VWA3B: variants seen among roughly 807,000 people sequenced by gnomAD.
VWA3B encodes the protein von Willebrand factor A domain containing 3B, also known as von Willebrand factor A domain-containing protein 3B.
In VWA3B, 138 loss-of-function variants were observed where a neutral mutation model predicts 158.3. The ratio of observed to expected loss-of-function variants is 0.87; its 90% CI spans 0.76 to 1.00. The LOEUF is 1.00. Among genes scored for constraint, VWA3B ranks in the 50% least tolerant of loss-of-function variants. The pLI is 0.00. For synonymous variants in VWA3B, 596 were observed against 587.3 expected (o/e 1.01, Z -0.21); for missense variants, 1,555 against 1,565.1 (o/e 0.99, Z 0.11).
rs148357776 is a variant in VWA3B, at chr2:98,237,498, G to A, written c.2673+768G>A. 8.0e-3 allele frequency among the ~76,000 whole-genome samples: 1,219 copies of A among 152,284 alleles called. 17 individuals carry two copies. The highest frequency in any genetic ancestry group is 0.028 in the African/African-American group (1,172 of 41,552). The stretch of plus-strand genomic sequence containing the variant: ...CACCAGATTGTCCTAGGCCGGTCCC[G>A]AGAGGAGAAAAACAGCTTCCAATGG... On this transcript the variant is annotated intron_variant, in intron 19 of 27. Transcript: ENST00000477737.
At chr2:98,140,787 T>A (rs1676721617) in intron 7 of VWA3B, among the ~76,000 whole-genome samples, 1 of 152,168 alleles carries the variant, frequency 6.6e-6, no homozygotes, top group Admixed American at 6.5e-5. Context: ...CATGAAATAT[T>A]AATATTCATC....
At chr2:98,221,345 C>CACGGAAGAGT (rs1199089611) in intron 14 of VWA3B, among the ~76,000 whole-genome samples, 1 of 152,160 alleles carries the variant, frequency 6.6e-6, no homozygotes, top group Non-Finnish European at 1.5e-5. Context: ...CTGGGAAGAG[C>CACGGAAGAGT]ACGGCTTAAT....
downstream of VWA3B, chr2:98,313,388 A>G (rs1691016794): frequency 6.6e-6 from 1 of 152,228 alleles, no homozygotes; most frequent in Non-Finnish European, 1.5e-5. Flanking sequence ...AAGGCAAGGA[A>G]CAGTGCTTGT....
At chr2:98,307,316 C>A (rs369443897) in intron 26 of VWA3B, among the ~76,000 whole-genome samples, 9 of 152,200 alleles carry the variant, frequency 5.9e-5, no homozygotes, top group African/African-American at 2.2e-4. Flanking sequence ...CTGCTATGCC[C>A]GGTTTCCATT....
intron 2 of VWA3B, among the ~76,000 whole-genome samples, chr2:98,101,952 T>C (rs1295771370): frequency 1.3e-5 from 2 of 152,084 alleles, no homozygotes; most frequent in African/African-American, 4.8e-5. Flanking sequence ...AGGATGATAG[T>C]GGAGAGAAGG....
chr2:98,308,121 AG>A (rs1409840683), intron 26 of VWA3B, among the ~76,000 whole-genome samples: 1 of 152,238 alleles, frequency 6.6e-6, no homozygotes, highest in Non-Finnish European at 1.5e-5. Flanking sequence ...TAAAAAAACA[AG>A]ATTGGCTTAT....
chr2:98,276,454 C>CA (rs1269889972), intron 22 of VWA3B, among the ~76,000 whole-genome samples: 1 of 152,164 alleles, frequency 6.6e-6, no homozygotes, highest in Non-Finnish European at 1.5e-5. Context: ...TAGCAAAGGC[C>CA]AAAGCTTTTG....
intron 7 of VWA3B, among the ~76,000 whole-genome samples, chr2:98,148,782 A>G (rs1259018108): frequency 6.6e-6 from 1 of 152,198 alleles, no homozygotes; most frequent in African/African-American, 2.4e-5. Context: ...ATATTCTTCT[A>G]TATGACACTT....
At position 98,298,019 on chromosome 2, in the gene VWA3B, C is replaced by G; in HGVS notation, c.3270C>G (p.Cys1090Trp). 1 of 1,563,208 alleles carries G rather than the reference C, an allele frequency of 6.4e-7. No individual in the cohort carries two copies. The highest frequency in any genetic ancestry group is 1.2e-5 in the South Asian group (1 of 83,446). ...CGCCTGTGGGGGGCGCCATGCCCTG[C>G]CCGCTGCTCCAGGTACCCAGTCCCT... Reference protein sequence around the residue: ...FITPVGGAMPCPLLQVGDYVF... With the variant: ...FITPVGGAMPWPLLQVGDYVF... Residue 1090 changes from cysteine to tryptophan, a missense_variant, in exon 24 of 28, where the codon TGC (cysteine) becomes TGG (tryptophan). Physicochemically the swap from Cys to Trp is radical, Grantham distance 215 (BLOSUM62 -2). Transcript: ENST00000477737.
chr2:98,235,223 TG>T (rs1685599878), intron 17 of VWA3B, among the ~76,000 whole-genome samples: 1 of 152,212 alleles, frequency 6.6e-6, no homozygotes, highest in Admixed American at 6.5e-5. Flanking sequence ...TAATAAGTTT[TG>T]AAACGTTTGA....
intron 6 of VWA3B, 50 bp from the exon 7 acceptor site, chr2:98,133,774 C>A: frequency 6.6e-7 from 1 of 1,520,246 alleles, no homozygotes; most frequent in African/African-American, 1.4e-5. Flanking sequence ...AACAAGCATG[C>A]ACGGACACCT....
intron 3 of VWA3B, among the ~76,000 whole-genome samples, chr2:98,117,269 G>C (rs796678861): frequency 6.6e-6 from 1 of 152,190 alleles, no homozygotes; most frequent in Non-Finnish European, 1.5e-5. Flanking sequence ...GCCATCCTTT[G>C]GATGGGCCTT....
At chr2:98,327,744 A>G in the VWA3B span, among the ~76,000 whole-genome samples, 1 of 152,358 alleles carries the variant, frequency 6.6e-6, no homozygotes, top group African/African-American at 2.4e-5. Flanking sequence ...TCTGTACTAG[A>G]TGAGACCTGT....
chr2:98,096,724 G>A (rs1256685835), intron 2 of VWA3B, among the ~76,000 whole-genome samples: 1 of 152,096 alleles, frequency 6.6e-6, no homozygotes, highest in Non-Finnish European at 1.5e-5. Flanking sequence ...GTTCACAGTA[G>A]TCTCTTATGA....
chr2:98,176,383 T>G (rs1006483186), intron 8 of VWA3B, among the ~76,000 whole-genome samples: 2 of 147,140 alleles, frequency 1.4e-5, no homozygotes, highest in African/African-American at 5.0e-5. Flanking sequence ...CTAAATTTCC[T>G]TAACTCCATC....
intron 12 of VWA3B, among the ~76,000 whole-genome samples, chr2:98,201,185 G>C (rs1481842804): frequency 6.6e-6 from 1 of 152,172 alleles, no homozygotes; most frequent in African/African-American, 2.4e-5. Flanking sequence ...TTTTGATTAA[G>C]ATTCCCTTAA....
chr2:98,212,887 T>A (rs1683653569), intron 13 of VWA3B, among the ~76,000 whole-genome samples: 1 of 152,174 alleles, frequency 6.6e-6, no homozygotes, highest in African/African-American at 2.4e-5. Flanking sequence ...CCATGTGTGG[T>A]GCCAGGGTCT....
intron 21 of VWA3B, among the ~76,000 whole-genome samples, chr2:98,257,299 G>A (rs1166945607): frequency 6.6e-6 from 1 of 151,946 alleles, no homozygotes; most frequent in African/African-American, 2.4e-5. Flanking sequence ...CAAATGATAG[G>A]ATTTTGTTCC....
intron 21 of VWA3B, among the ~76,000 whole-genome samples, chr2:98,263,969 C>T (rs147238967): frequency 2.0e-4 from 30 of 151,756 alleles, no homozygotes; most frequent in Middle Eastern, 3.4e-3. Flanking sequence ...TCTTAGTAGG[C>T]GGTATGTTTC....
Sources: gnomAD v4.1 joint callset for allele counts (sites outside exome capture counted in the v4.1 genomes callset) on GRCh38, gnomAD v4.1.1 for gene constraint, MANE v1.5 for transcripts, NCBI Gene and HGNC (gene_info 2026-07-23, HGNC 2026-07-21) for gene names.